EML1: variants seen among roughly 807,000 people sequenced by gnomAD.
EML1 encodes the protein echinoderm microtubule-associated protein-like 1.
A neutral mutation model predicts 110.4 loss-of-function variants in EML1; 27 were observed. The ratio of observed to expected loss-of-function variants is 0.24; its 90% confidence interval spans 0.18 to 0.34. The LOEUF is 0.34. Among genes scored for constraint, EML1 ranks in the 10% least tolerant of loss-of-function variants. The pLI, the probability that EML1 is intolerant of heterozygous loss-of-function variation, is 1.00. For synonymous variants in EML1, 344 were observed against 385.8 expected (o/e 0.89, Z 1.27); for missense variants, 741 against 1,030.9 (o/e 0.72, Z 3.85).
At chr14:99,747,207 G>A (rs1313606142) in intron 1 of EML1, among the ~76,000 whole-genome samples, 2 of 111,952 alleles carry the variant, frequency 1.8e-5, no homozygotes, top group African/African-American at 3.2e-5. Context: ...AAAAAAAAAA[G>A]GAAGAAAAGA....
Position 99,935,781 on chromosome 14 carries a change from CAAAAAAAAAA to C in EML1, c.1910-233_1910-224del, listed in dbSNP as rs1160100015. Among the ~76,000 whole-genome samples the C allele has an allele frequency of 3.6e-5, 3 of 83,732 alleles. No homozygotes were observed. The Admixed American group carries it at 3.9e-4, about 11-fold the overall frequency. 54.9% of individuals were successfully genotyped at this position (83,732 alleles called of 152,430 possible). On this transcript the variant is annotated intron_variant, in intron 17 of 21. Transcript: ENST00000262233. ...CTGGCGACAGAGCGAGACTCCGTCT[CAAAAAAAAAA>C]AAAAAAAAAAAAAATTATAAACCTT...
At chr14:99,875,225 A>G (rs911804376) in intron 3 of EML1, among the ~76,000 whole-genome samples, 6 of 152,200 alleles carry the variant, frequency 3.9e-5, no homozygotes, top group Non-Finnish European at 8.8e-5. Context: ...GGCCTAATAG[A>G]GAGAACACAG....
intron 8 of EML1, among the ~76,000 whole-genome samples, chr14:99,900,153 T>C (rs2140015753): frequency 1.3e-5 from 2 of 151,830 alleles, no homozygotes; most frequent in East Asian, 1.9e-4. Flanking sequence ...ACATAATTGA[T>C]GCCTGTTTTG....
At chr14:99,909,972 C>T (rs925173410) in intron 11 of EML1, among the ~76,000 whole-genome samples, 3 of 152,134 alleles carry the variant, frequency 2.0e-5, no homozygotes, top group Non-Finnish European at 2.9e-5. Context: ...CGGTCAGTAC[C>T]CTCCTCCGCT....
At chr14:99,785,168 C>G (rs927313014) in intron 1 of EML1, among the ~76,000 whole-genome samples, 8 of 152,110 alleles carry the variant, frequency 5.3e-5, no homozygotes, top group African/African-American at 1.9e-4. Flanking sequence ...AATTCTCCTG[C>G]CTCAGTCTCC....
intron 4 of EML1, among the ~76,000 whole-genome samples, chr14:99,879,784 A>G (rs1450690554): frequency 1.3e-5 from 2 of 152,220 alleles, no homozygotes; most frequent in African/African-American, 2.4e-5. Context: ...TACAGTGGCA[A>G]CAGAGTGTGA....
chr14:99,872,687 C>T (rs2059225522), intron 3 of EML1, among the ~76,000 whole-genome samples: 2 of 152,180 alleles, frequency 1.3e-5, no homozygotes, highest in Non-Finnish European at 2.9e-5. Flanking sequence ...CTAATTGCTA[C>T]TCTGTGGTAA....
chr14:99,917,020 G>T (rs895864337), intron 15 of EML1, among the ~76,000 whole-genome samples: 25 of 152,242 alleles, frequency 1.6e-4, no homozygotes, highest in African/African-American at 5.5e-4. Context: ...CTCATCTCAT[G>T]ATCCTTCCAG....
At chr14:99,801,481 G>C (rs1443878906) in intron 1 of EML1, among the ~76,000 whole-genome samples, 1 of 152,148 alleles carries the variant, frequency 6.6e-6, no homozygotes, top group Admixed American at 6.5e-5. Flanking sequence ...CGGGCGTGGT[G>C]GCGGGCGCCT....
rs189238637 is a variant in EML1 at position 99,910,834 on chromosome 14, G to A, written c.1339+493G>A. ...ATGATGCATCACTCAGAAAGCATGC[G>A]TCCAGTTAAGTCCAGTGAGCATTTA... On this transcript the variant is annotated intron_variant, in intron 12 of 21. Coordinates refer to ENST00000262233, the MANE Select transcript of EML1 (RefSeq NM_004434.3). Among the ~76,000 whole-genome samples the A allele has an allele frequency of 1.9e-4, 29 of 152,246 alleles. No individual in the cohort carries two copies. In the East Asian group the frequency reaches 5.0e-3, roughly 26 times the overall value.
chr14:99,876,655 G>T (rs1227552465), intron 3 of EML1, among the ~76,000 whole-genome samples: 2 of 152,110 alleles, frequency 1.3e-5, no homozygotes, highest in Non-Finnish European at 2.9e-5. Context: ...CGTGTTGCAG[G>T]CTTGTATTCT....
chr14:99,914,405 C>T, intron 14 of EML1, 101 bp downstream of exon 14: 1 of 1,547,356 alleles, frequency 6.5e-7, no homozygotes, highest in Non-Finnish European at 8.7e-7. Flanking sequence ...CGATAACCTT[C>T]CTCCACCCCA....
intron 2 of EML1, among the ~76,000 whole-genome samples, chr14:99,853,701 G>T (rs2058851890): frequency 6.6e-6 from 1 of 152,126 alleles, no homozygotes; most frequent in Non-Finnish European, 1.5e-5. Context: ...ACAGATTCTT[G>T]CTGTGTCACC....
At position 99,898,316 on chromosome 14, in the gene EML1, C is replaced by A; in HGVS notation, c.897+14C>A. 6.2e-7 allele frequency: 1 copy of A among 1,606,478 alleles called. No homozygotes were observed. The highest frequency in any genetic ancestry group is 8.5e-7 in the Non-Finnish European group (1 of 1,175,944). ...AAGGATGGAAAAGTGAGTTACGTTA[C>A]CTTTTCATTGTTTCATAATGAACTG... On this transcript the variant is annotated intron_variant, in intron 8 of 21. Transcript: ENST00000262233.
At chr14:99,769,702 C>T (rs1392470960), upstream of EML1, among the ~76,000 whole-genome samples, 1 of 152,224 alleles carries the variant, frequency 6.6e-6, no homozygotes, top group East Asian at 1.9e-4. Flanking sequence ...ATGATGGCTT[C>T]CAGATGTACC....
chr14:99,924,846 G>A (rs2060204916), intron 17 of EML1, among the ~76,000 whole-genome samples: 1 of 151,880 alleles, frequency 6.6e-6, no homozygotes, highest in African/African-American at 2.4e-5. Context: ...TTATTATGTG[G>A]GTTTCATCCT....
intron 1 of EML1, among the ~76,000 whole-genome samples, chr14:99,738,265 C>T (rs1271167065): frequency 1.3e-5 from 2 of 152,230 alleles, no homozygotes; most frequent in Admixed American, 6.5e-5. Context: ...CAGCTTCCGT[C>T]TGATTCCCCA....
chr14:99,850,737 C>T (rs559715231), intron 1 of EML1, 116 bp from the exon 2 acceptor site: 20 of 1,074,540 alleles, frequency 1.9e-5, no homozygotes, highest in South Asian at 1.4e-4. Context: ...ATCTGTAGTC[C>T]GTAAGTGTTA....
In EML1 at chr14:99,810,138, C is replaced by A. The variant is rs143964121; in HGVS notation, c.67+16595C>A. The stretch of plus-strand genomic sequence containing the variant: ...GCCTGGCGTGTAGGAAGCTGGCGCC[C>A]CTGGGGGAACTGCAAGGCCATTTTA... On this transcript the variant is annotated intron_variant, in intron 1 of 21. Transcript: ENST00000262233. Among the ~76,000 whole-genome samples the A allele has an allele frequency of 6.6e-4, 101 of 152,204 alleles. 2 individuals are homozygous for A. Among genetic ancestry groups the A allele is most frequent in the African/African-American group, 2.1e-3 (88 of 41,534 alleles).
Sources: allele counts gnomAD v4.1 joint callset (sites outside exome capture counted in the v4.1 genomes callset), GRCh38; gene constraint gnomAD v4.1.1; transcripts MANE v1.5; gene names NCBI Gene and HGNC (gene_info 2026-07-23, HGNC 2026-07-21).